Variants in NRXN2 observed in about 807,000 individuals in gnomAD.
NRXN2 encodes the protein neurexin-2-beta.
Under a neutral mutation model 128.8 loss-of-function variants are expected in NRXN2, and 29 were observed. The ratio of observed to expected loss-of-function variants is 0.23; its 90% CI spans 0.17 to 0.31. The LOEUF (loss-of-function observed/expected upper bound fraction) is 0.31, where lower values mean the gene tolerates loss of function less well. Ranked by LOEUF, NRXN2 falls within the 10% of genes least tolerant of loss-of-function variation. The probability of loss-of-function intolerance (pLI) is 1.00; values close to 1 mark genes in which losing one functional copy is unlikely to be tolerated. For missense variants in NRXN2, 1,881 were observed against 2,452.6 expected (o/e 0.77, Z 4.92); for synonymous variants, 1,098 against 1,075.2 (o/e 1.02, Z -0.41).
In NRXN2 at chr11:64,660,381, G is replaced by A; in HGVS notation, c.2340C>T (p.Thr780=). The A allele has an allele frequency of 6.2e-7, 1 of 1,614,176 alleles. No individual in the cohort carries two copies. The change falls in exon 11 of 23, where the codon ACC becomes ACT. Residue 780 remains threonine, a synonymous_variant. Coordinates refer to ENST00000265459, the MANE Select transcript of NRXN2 (RefSeq NM_015080.4). This position sits in a 1 kb window ranked among gnomAD's most constrained non-coding sequence, Gnocchi z 5.2. The part of the protein sequence containing the change: ...MATTSRESAD[T]LRLELDGGQM... ...GCCCCCCATCCAGCTCCAGGCGTAG[G>A]GTGTCGGCAGACTCCCTGGAAGTGG...
At chr11:64,652,578 C>A (rs539300534) in intron 12 of NRXN2, among the ~76,000 whole-genome samples, 2 of 152,228 alleles carry the variant, frequency 1.3e-5, no homozygotes, top group East Asian at 3.9e-4. Context: ...GCTATATTCC[C>A]AGGGTGTAAA....
chr11:64,695,657 C>T (rs978888130), intron 3 of NRXN2, among the ~76,000 whole-genome samples: 1 of 152,088 alleles, frequency 6.6e-6, no homozygotes, highest in Non-Finnish European at 1.5e-5. Flanking sequence ...AAGAGACACA[C>T]AAGCAGGCAC....
At position 64,661,015 on chromosome 11, in the gene NRXN2, C is replaced by A; in HGVS notation, c.1923G>T (p.Leu641=). The A allele has an allele frequency of 1.9e-6, 3 of 1,613,652 alleles. No homozygotes were observed. The South Asian group carries it at 3.3e-5, about 18-fold the overall frequency. The part of the protein sequence containing the change: ...LPEGGRVDLP[L]PPEVWTAALR... ...GTGCTGCTGTCCACACCTCTGGGGGCAGGGGCAGGTCCACCCGGCCCCCCT... is the reference window on the plus strand; with the variant it reads ...GTGCTGCTGTCCACACCTCTGGGGGAAGGGGCAGGTCCACCCGGCCCCCCT... The change falls in exon 10 of 23, where the codon CTG becomes CTT. Residue 641 remains leucine, a synonymous_variant. Transcript: ENST00000265459.
chr11:64,707,312 G>A lies in NRXN2; in HGVS notation c.730+5658C>T, dbSNP rs183077126. On this transcript the variant is annotated intron_variant, in intron 2 of 22. Transcript: ENST00000265459. ...CGAGGCAGGAGAATGGCGTGAACCC[G>A]GGAGGCAGAGCTTGCAGTGAGGCAA... Among the ~76,000 whole-genome samples, 547 of 151,866 alleles carry A rather than the reference G, an allele frequency of 3.6e-3. 6 individuals carry two copies. The East Asian group carries it at 0.043, about 12-fold the overall frequency.
At chr11:64,613,608 A>C (rs2041007989) in intron 22 of NRXN2, among the ~76,000 whole-genome samples, 1 of 152,200 alleles carries the variant, frequency 6.6e-6, no homozygotes, top group Non-Finnish European at 1.5e-5. Context: ...AGATGGAAGG[A>C]GTGTGGATTC....
At chr11:64,626,186 T>C (rs866559399) in intron 20 of NRXN2, among the ~76,000 whole-genome samples, 1 of 152,010 alleles carries the variant, frequency 6.6e-6, no homozygotes, top group South Asian at 2.1e-4. Context: ...ATGGTAGGGA[T>C]CTTGTGGATT....
rs375908905 is a variant in NRXN2, at chr11:64,657,168, G to A, written c.2389+3164C>T. 2.0e-5 allele frequency among the ~76,000 whole-genome samples: 3 copies of A among 152,124 alleles called. No individual in the cohort carries two copies. In the South Asian group the frequency reaches 6.2e-4, roughly 32 times the overall value. ...GTAGTGAGTCCAGCCCAGGCCTGGGGCCTTGGTGTTGCTGCCGGTCTGTGA... is the reference window on the plus strand; with the variant it reads ...GTAGTGAGTCCAGCCCAGGCCTGGGACCTTGGTGTTGCTGCCGGTCTGTGA... On this transcript the variant is annotated intron_variant, in intron 11 of 22. Coordinates refer to ENST00000265459, the MANE Select transcript of NRXN2 (RefSeq NM_015080.4).
chr11:64,650,663 C>G (rs780061592), intron 14 of NRXN2, 25 bp from the exon 15 acceptor site: 2 of 1,611,580 alleles, frequency 1.2e-6, no homozygotes, highest in Non-Finnish European at 1.7e-6. Context: ...GGAGGAGACA[C>G]TGGGTCAGGG....
chr11:64,681,661 C>G (rs1200573797), intron 6 of NRXN2, among the ~76,000 whole-genome samples: 1 of 152,180 alleles, frequency 6.6e-6, no homozygotes, highest in Non-Finnish European at 1.5e-5. Context: ...GTATAACTTG[C>G]CTAAAAGCAC....
chr11:64,684,601 AG>A lies in NRXN2; in HGVS notation c.1152+1044del, dbSNP rs529615154. 2.9e-3 allele frequency among the ~76,000 whole-genome samples: 440 copies of A among 152,274 alleles called. 2 individuals carry two copies. Among genetic ancestry groups the A allele is most frequent in the African/African-American group, 0.01 (416 of 41,540 alleles). On this transcript the variant is annotated intron_variant, in intron 6 of 22. Coordinates refer to ENST00000265459, the MANE Select transcript of NRXN2 (RefSeq NM_015080.4). ...TCGATGGTGTGAAATGAGAACAGGT[AG>A]GAAGAGTGGGAGGCCAGCCAAGATC...
chr11:64,689,107 T>G (rs2053483491), intron 5 of NRXN2, among the ~76,000 whole-genome samples: 1 of 151,982 alleles, frequency 6.6e-6, no homozygotes, highest in Admixed American at 6.6e-5. Flanking sequence ...CAGGCTGCTG[T>G]GGGCACCTCA....
chr11:64,635,230 A>G lies in NRXN2; in HGVS notation c.3585+41T>C, dbSNP rs577828604. ...TGAGGGGCTGAACTGATTTGGGAGC[A>G]GGAAGCTTGAGGTTGAAGGGTTGGG... On this transcript the variant is annotated intron_variant, in intron 18 of 22. Transcript: ENST00000265459. The surrounding 1 kb of genome is among the most constrained non-coding windows in gnomAD (Gnocchi z 4.8). 220 of 1,608,444 alleles carry G rather than the reference A, an allele frequency of 1.4e-4. No homozygotes were observed. Among genetic ancestry groups the G allele is most frequent in the Middle Eastern group, 2.2e-4 (1 of 4,640 alleles).
Position 64,648,915 on chromosome 11 carries a change from G to T in NRXN2, c.3110-8C>A, listed in dbSNP as rs755014511. On this transcript the variant is annotated splice_polypyrimidine_tract_variant and splice_region_variant and intron_variant, in intron 15 of 22. Transcript: ENST00000265459. This position sits in a 1 kb window ranked among gnomAD's most constrained non-coding sequence, Gnocchi z 4.1. ...CGCCAATGTACAACTCCCCTGCAAA[G>T]GGAGTGGGTCAACCAAGGCATCCAG... 4.3e-6 allele frequency: 7 copies of T among 1,614,034 alleles called. No homozygotes were observed. The African/African-American group carries it at 8.0e-5, about 18-fold the overall frequency.
intron 20 of NRXN2, among the ~76,000 whole-genome samples, chr11:64,625,522 T>G (rs2135345043): frequency 6.6e-6 from 1 of 152,326 alleles, no homozygotes; most frequent in East Asian, 1.9e-4. Flanking sequence ...GGCTAGAAGT[T>G]ACATTTGGGG....
chr11:64,635,395 G>A lies in NRXN2; in HGVS notation c.3461C>T (p.Pro1154Leu). ...CATCCTCGTGCTGGGCCTGTCATTG[G>A]GGGGCCACGTGTAGGTGATGAGCGC... is the stretch of plus-strand genomic sequence containing the variant. ...GGALITYTWP[P>L]NDRPSTRMDR... Residue 1154 changes from proline (P) to leucine (L), a missense_variant, in exon 18 of 23, where the codon CCC (proline) becomes CTC (leucine). Physicochemically the swap from Pro to Leu is moderately conservative, Grantham distance 98. Around this residue, in one of 7 missense-constraint regions of NRXN2, gnomAD observed 390 missense variants for 599.6 expected, o/e 0.65. Coordinates refer to ENST00000265459, the MANE Select transcript of NRXN2 (RefSeq NM_015080.4). This position sits in a 1 kb window ranked among gnomAD's most constrained non-coding sequence, Gnocchi z 4.8. 6.2e-7 allele frequency: 1 copy of A among 1,613,846 alleles called. No homozygotes were observed. Among genetic ancestry groups the A allele is most frequent in the South Asian group, 1.1e-5 (1 of 91,084 alleles).
chr11:64,630,386 G>A lies in NRXN2; in HGVS notation c.3757+16C>T, dbSNP rs1434673320. On this transcript the variant is annotated intron_variant, in intron 19 of 22. Coordinates refer to ENST00000265459, the MANE Select transcript of NRXN2 (RefSeq NM_015080.4). This position sits in a 1 kb window ranked among gnomAD's most constrained non-coding sequence, Gnocchi z 4.6. ...GCCCCGCCACCGCGCCTCCTCCGCG[G>A]GCCCGCGCCGCCTACCTGCCGGGTA... 8 of 1,605,262 alleles carry A rather than the reference G, an allele frequency of 5.0e-6. No individual in the cohort carries two copies. The highest frequency in any genetic ancestry group is 6.8e-6 in the Non-Finnish European group (8 of 1,177,344).
Position 64,651,790 on chromosome 11 carries a change from G to C in NRXN2, c.2537-154C>G, listed in dbSNP as rs1342538213. ...GCACTAGCAGCCAGCACAGCTCCAAGAGGAGTGGCAGGACTCGCCAGTCAA... is the reference window on the plus strand; with the variant it reads ...GCACTAGCAGCCAGCACAGCTCCAACAGGAGTGGCAGGACTCGCCAGTCAA... On this transcript the variant is annotated intron_variant, in intron 13 of 22. Coordinates refer to ENST00000265459, the MANE Select transcript of NRXN2 (RefSeq NM_015080.4). The surrounding 1 kb of genome is among the most constrained non-coding windows in gnomAD (Gnocchi z 5.9). 6.6e-6 allele frequency among the ~76,000 whole-genome samples: 1 copy of C among 152,176 alleles called. No homozygotes were observed. The highest frequency in any genetic ancestry group is 2.4e-5 in the African/African-American group (1 of 41,440).
intron 2 of NRXN2, among the ~76,000 whole-genome samples, chr11:64,699,210 T>A (rs1242755928): frequency 6.6e-6 from 1 of 151,656 alleles, no homozygotes; most frequent in African/African-American, 2.4e-5. Flanking sequence ...AGTAATCTAC[T>A]ACATAACACT....
Position 64,623,371 on chromosome 11 carries a change from C to A in NRXN2, c.3848-293G>T. On this transcript the variant is annotated intron_variant, in intron 20 of 22. Transcript: ENST00000265459. The surrounding 1 kb of genome is among the most constrained non-coding windows in gnomAD (Gnocchi z 4.9). ...CTCCTCCCCACCATGTGCAAGCCTT[C>A]CCACCTTCCCCATTCCCTCTCCTCT... 1 of 501,488 alleles carries A rather than the reference C, an allele frequency of 2.0e-6. No homozygotes were observed. Among genetic ancestry groups the A allele is most frequent in the Non-Finnish European group, 3.6e-6 (1 of 277,060 alleles). 31.1% of individuals were successfully genotyped at this position (501,488 alleles called of 1,614,324 possible). A position where few individuals can be genotyped will look rare whatever the true frequency, so the allele number is the denominator to read the frequency against.
Sources: gnomAD v4.1 joint callset for allele counts (sites outside exome capture counted in the v4.1 genomes callset) on GRCh38, gnomAD v4.1.1 for gene constraint, gnomAD v4.1.1 regional missense constraint, Gnocchi (gnomAD v3.1) non-coding constraint, MANE v1.5 for transcripts, NCBI Gene and HGNC (gene_info 2026-07-23, HGNC 2026-07-21) for gene names.